The following TDRD9 variants were observed in gnomAD, a reference collection of about 807,000 sequenced individuals.
TDRD9 encodes the protein ATP-dependent RNA helicase TDRD9.
TDRD9 carries 124 observed loss-of-function variants against 172.6 expected under a neutral mutation model. The ratio of observed to expected loss-of-function variants is 0.72; its 90% CI spans 0.62 to 0.83. The LOEUF is 0.83. TDRD9 is among the 40% of genes least tolerant of loss of function. The pLI is 0.00. For missense variants in TDRD9, 1,479 were observed against 1,714.1 expected (o/e 0.86, Z 2.42); for synonymous variants, 619 against 617.1 (o/e 1.00, Z -0.05).
At chr14:103,935,010 T>C (rs1370946360) in intron 1 of TDRD9, among the ~76,000 whole-genome samples, 1 of 152,070 alleles carries the variant, frequency 6.6e-6, no homozygotes, top group Non-Finnish European at 1.5e-5. Flanking sequence ...GTCCAGTCAG[T>C]TGAAGACCTG....
At chr14:103,957,508 C>T (rs1001817529) in intron 2 of TDRD9, among the ~76,000 whole-genome samples, 50 of 152,284 alleles carry the variant, frequency 3.3e-4, no homozygotes, top group African/African-American at 1.0e-3. Context: ...CAAAGTTGTA[C>T]GTATAAGAAT....
chr14:103,987,874 C>A (rs950064259), intron 8 of TDRD9, among the ~76,000 whole-genome samples: 7 of 152,186 alleles, frequency 4.6e-5, no homozygotes, highest in African/African-American at 1.7e-4. Context: ...TATTGAATTG[C>A]CTATTTCTTC....
At chr14:104,026,188 CTGGGT>C in intron 27 of TDRD9, 52 bp downstream of exon 27, 5 of 1,273,556 alleles carry the variant, frequency 3.9e-6, no homozygotes, top group Non-Finnish European at 3.4e-6. Context: ...GACAGGATTC[CTGGGT>C]GGATTCCTGG....
chr14:104,027,039 T>G, intron 28 of TDRD9, 100 bp downstream of exon 28: 2 of 1,306,610 alleles, frequency 1.5e-6, no homozygotes, highest in Non-Finnish European at 2.1e-6. Context: ...AGGCGGACAG[T>G]GTTCCTCTTC....
intron 13 of TDRD9, among the ~76,000 whole-genome samples, chr14:104,000,144 T>C (rs2034211636): frequency 6.6e-6 from 1 of 151,672 alleles, no homozygotes; most frequent in East Asian, 1.9e-4. Flanking sequence ...CTGGACAACA[T>C]GGCAAAACTC....
At chr14:103,956,102 A>T (rs1595912226) in intron 2 of TDRD9, among the ~76,000 whole-genome samples, 3 of 57,270 alleles carry the variant, frequency 5.2e-5, no homozygotes, top group East Asian at 4.8e-4. Flanking sequence ...AAAAAAAAAA[A>T]AAAAAAAAAA....
rs1345509469 is a variant in TDRD9 at position 103,975,537 on chromosome 14, A to G, written c.995A>G (p.His332Arg). 6.2e-7 allele frequency: 1 copy of G among 1,608,534 alleles called. No homozygotes were observed. Among genetic ancestry groups the G allele is most frequent in the East Asian group, 2.2e-5 (1 of 44,822 alleles). Residue 332 changes from histidine (H) to arginine (R), a missense_variant, in exon 7 of 36, where the codon CAC becomes CGC. By Grantham distance (29) the His-to-Arg change is conservative (BLOSUM62 0). This residue lies in a region of TDRD9 where 1,413 missense variants were observed against 1,649.1 expected (regional missense o/e 0.86). Coordinates refer to ENST00000409874, the MANE Select transcript of TDRD9 (RefSeq NM_153046.3). ...GAGTATTATCTTAATGATTTGGAGC[A>G]CATTCATCATAGCAAGGTATGTTAG... ...VEEYYLNDLE[H>R]IHHSKLSPHL...
chr14:103,928,902 C>T (rs1270447174), intron 1 of TDRD9, 178 bp downstream of exon 1: 2 of 256,330 alleles, frequency 7.8e-6, no homozygotes, highest in Admixed American at 5.5e-5. Flanking sequence ...AGAGCGGTGC[C>T]TGTAAGGAAG....
At chr14:103,986,367 TA>T (rs1279692033) in intron 8 of TDRD9, 47 bp downstream of exon 8, 1 of 1,347,428 alleles carries the variant, frequency 7.4e-7, no homozygotes, top group Non-Finnish European at 1.0e-6. Flanking sequence ...ATATGTGATT[TA>T]AAAAATTATT....
At chr14:104,016,139 T>G in intron 22 of TDRD9, 51 bp downstream of exon 22, 1 of 1,257,170 alleles carries the variant, frequency 8.0e-7, no homozygotes, top group Non-Finnish European at 1.1e-6. Flanking sequence ...GGGCAGAACA[T>G]TTTTGTTCTC....
chr14:104,010,957 G>T (rs2034595405), intron 20 of TDRD9, among the ~76,000 whole-genome samples: 1 of 152,208 alleles, frequency 6.6e-6, no homozygotes. Flanking sequence ...TACTGTATGT[G>T]TTGTATGTGC....
At chr14:103,950,089 CCTTT>C (rs1291425709) in intron 1 of TDRD9, among the ~76,000 whole-genome samples, 1 of 97,614 alleles carries the variant, frequency 1.0e-5, no homozygotes, top group African/African-American at 4.0e-5. Flanking sequence ...TTCCTTCCTT[CCTTT>C]TTTTTTTTTT....
chr14:103,973,692 A>T (rs8008510), intron 6 of TDRD9, among the ~76,000 whole-genome samples: 81,392 of 151,842 alleles, frequency 0.54, 23,057 homozygotes, highest in South Asian at 0.66. Flanking sequence ...GTTCCTTAAA[A>T]CCCAGTTTAG....
chr14:104,015,600 T>G (rs2034765594), intron 21 of TDRD9, among the ~76,000 whole-genome samples: 1 of 152,184 alleles, frequency 6.6e-6, no homozygotes, highest in African/African-American at 2.4e-5. Context: ...TCTGAACATC[T>G]GAGAGTACCT....
At position 104,026,987 on chromosome 14, in the gene TDRD9, C is replaced by CGGG. The variant is rs749520118; in HGVS notation, c.3282+50_3282+52dup. ...GAGCACGCGTTTGTGTGAGAGAGAACGGGGCAGGCTTTCCTTCCTCTGTGG... is the reference window on the plus strand; with the variant it reads ...GAGCACGCGTTTGTGTGAGAGAGAACGGGGGGGCAGGCTTTCCTTCCTCTGTGG... On this transcript the variant is annotated intron_variant, in intron 28 of 35. Transcript: ENST00000409874. 1.4e-5 allele frequency: 23 copies of CGGG among 1,588,472 alleles called. No individual in the cohort carries two copies. The African/African-American group carries it at 2.6e-4, about 18-fold the overall frequency.
At chr14:103,935,614 G>A (rs570813337) in intron 1 of TDRD9, among the ~76,000 whole-genome samples, 2 of 152,298 alleles carry the variant, frequency 1.3e-5, no homozygotes, top group African/African-American at 4.8e-5. Flanking sequence ...GTTTAACTTC[G>A]AGAATGATGA....
At chr14:103,969,568 TG>T (rs2152151402) in intron 5 of TDRD9, among the ~76,000 whole-genome samples, 1 of 152,304 alleles carries the variant, frequency 6.6e-6, no homozygotes, top group South Asian at 2.1e-4. Context: ...TCTCCTTCAG[TG>T]GGAAGTTCAG....
intron 8 of TDRD9, among the ~76,000 whole-genome samples, chr14:103,987,403 T>C (rs2152190501): frequency 1.3e-5 from 2 of 152,304 alleles, no homozygotes; most frequent in East Asian, 3.9e-4. Context: ...CCAAATTTCC[T>C]GCTATGTTCT....
At chr14:104,019,821 G>A (rs1183947744) in intron 23 of TDRD9, among the ~76,000 whole-genome samples, 1 of 152,200 alleles carries the variant, frequency 6.6e-6, no homozygotes, top group African/African-American at 2.4e-5. Flanking sequence ...TTTGCCTGCT[G>A]TGAGATGTCA....
Sources: gnomAD v4.1 joint callset for allele counts (sites outside exome capture counted in the v4.1 genomes callset) on GRCh38, gnomAD v4.1.1 for gene constraint, gnomAD v4.1.1 regional missense constraint, MANE v1.5 for transcripts, NCBI Gene and HGNC (gene_info 2026-07-23, HGNC 2026-07-21) for gene names.